The following PTPRD variants were observed in gnomAD, a reference collection of about 807,000 sequenced individuals.
PTPRD encodes the protein receptor-type tyrosine-protein phosphatase delta.
A neutral mutation model predicts 214.5 loss-of-function variants in PTPRD; 34 were observed. That is an observed-to-expected ratio of 0.16 (90% CI 0.12 to 0.21). The LOEUF (loss-of-function observed/expected upper bound fraction) is 0.21, where lower values mean the gene tolerates loss of function less well. Among genes scored for constraint, PTPRD ranks in the 10% least tolerant of loss-of-function variants. The probability of loss-of-function intolerance (pLI) is 1.00; values close to 1 mark genes in which losing one functional copy is unlikely to be tolerated. For missense variants in PTPRD, 2,545 were observed against 2,398.7 expected (o/e 1.06, Z -1.27); for synonymous variants, 1,128 against 845.7 (o/e 1.33, Z -5.79).
intron 10 of PTPRD, among the ~76,000 whole-genome samples, chr9:9,146,891 C>G (rs1476096800): frequency 6.6e-6 from 1 of 151,890 alleles, no homozygotes; most frequent in Non-Finnish European, 1.5e-5. Context: ...GCCTTTAGAA[C>G]AACAATAACT....
chr9:10,359,638 C>T (rs537844368), intron 2 of PTPRD, among the ~76,000 whole-genome samples: 5 of 152,094 alleles, frequency 3.3e-5, no homozygotes, highest in South Asian at 2.1e-4. Flanking sequence ...ACATAAATCT[C>T]GAAAATATCT....
chr9:9,735,605 C>G (rs769908902), intron 6 of PTPRD, among the ~76,000 whole-genome samples: 25 of 152,156 alleles, frequency 1.6e-4, no homozygotes, highest in South Asian at 6.2e-4. Flanking sequence ...AACAAATCAT[C>G]CCGAAGGAAG....
intron 4 of PTPRD, among the ~76,000 whole-genome samples, chr9:10,033,107 C>A (rs1402348107): frequency 1.3e-5 from 2 of 150,570 alleles, no homozygotes; most frequent in Non-Finnish European, 1.5e-5. Flanking sequence ...GAGTGTGTTT[C>A]TGTACATGTA....
intron 2 of PTPRD, among the ~76,000 whole-genome samples, chr9:10,363,119 T>C (rs530520223): frequency 6.6e-6 from 1 of 152,326 alleles, no homozygotes; most frequent in South Asian, 2.1e-4. Flanking sequence ...AATCTCTAGA[T>C]TTTCTGATTT....
chr9:9,436,275 G>C (rs1310453724), intron 8 of PTPRD, among the ~76,000 whole-genome samples: 1 of 151,982 alleles, frequency 6.6e-6, no homozygotes, highest in Non-Finnish European at 1.5e-5. Flanking sequence ...ATCCTTCAAT[G>C]GATTTTCACT....
chr9:8,464,711 T>A (rs200199014), intron 32 of PTPRD, among the ~76,000 whole-genome samples: 1 of 53,176 alleles, frequency 1.9e-5, no homozygotes, highest in Non-Finnish European at 3.2e-5. Flanking sequence ...ACAATATCTC[T>A]CCCCTTTTTT....
intron 2 of PTPRD, among the ~76,000 whole-genome samples, chr9:10,442,161 T>G (rs1043804279): frequency 6.6e-5 from 10 of 151,724 alleles, no homozygotes; most frequent in Admixed American, 6.6e-4. Context: ...ATACCTTAAA[T>G]GCAGAATTTG....
chr9:9,393,199 T>C (rs1399464995), intron 9 of PTPRD, among the ~76,000 whole-genome samples: 1 of 131,404 alleles, frequency 7.6e-6, no homozygotes, highest in Non-Finnish European at 1.7e-5. Context: ...CAACAACATC[T>C]GGTGTGATAG....
At chr9:10,017,979 C>G (rs2096758129) in intron 4 of PTPRD, among the ~76,000 whole-genome samples, 1 of 152,154 alleles carries the variant, frequency 6.6e-6, no homozygotes, top group Admixed American at 6.5e-5. Flanking sequence ...CATTCTAGGA[C>G]TTAGCTTCTA....
chr9:10,369,955 G>C (rs563882909), intron 2 of PTPRD, among the ~76,000 whole-genome samples: 1 of 152,154 alleles, frequency 6.6e-6, no homozygotes, highest in South Asian at 2.1e-4. Context: ...GCGAGGCATT[G>C]TCCTAATACT....
intron 3 of PTPRD, among the ~76,000 whole-genome samples, chr9:10,152,953 T>C (rs1005331390): frequency 9.2e-5 from 14 of 152,098 alleles, no homozygotes; most frequent in African/African-American, 2.4e-4. Context: ...CACATATCTG[T>C]GGAATATAAA....
chr9:10,121,280 A>G (rs1263968607), intron 3 of PTPRD, among the ~76,000 whole-genome samples: 1 of 152,002 alleles, frequency 6.6e-6, no homozygotes, highest in Non-Finnish European at 1.5e-5. Flanking sequence ...TAGCATGGAT[A>G]ATCCTAAATA....
chr9:9,927,889 A>C (rs1394376327), intron 5 of PTPRD, among the ~76,000 whole-genome samples: 2 of 152,168 alleles, frequency 1.3e-5, no homozygotes, highest in Non-Finnish European at 2.9e-5. Flanking sequence ...AAGAAAATGC[A>C]GTTGAGAGGT....
intron 2 of PTPRD, among the ~76,000 whole-genome samples, chr9:10,560,800 T>C (rs1316236401): frequency 6.6e-6 from 1 of 152,102 alleles, no homozygotes; most frequent in Non-Finnish European, 1.5e-5. Flanking sequence ...TCTGTCACAC[T>C]AACCATATTT....
chr9:9,914,706 A>T (rs2080198281), intron 5 of PTPRD, among the ~76,000 whole-genome samples: 1 of 149,896 alleles, frequency 6.7e-6, no homozygotes, highest in East Asian at 2.1e-4. Context: ...AGCTTGAAAA[A>T]CATCCCCATA....
chr9:9,405,272 C>A (rs771587556), intron 8 of PTPRD, among the ~76,000 whole-genome samples: 27 of 151,976 alleles, frequency 1.8e-4, no homozygotes, highest in Admixed American at 2.6e-4. Context: ...TTATTTGATC[C>A]TATTTTTGCA....
intron 5 of PTPRD, among the ~76,000 whole-genome samples, chr9:9,910,821 G>A (rs1055643478): frequency 6.6e-6 from 1 of 152,012 alleles, no homozygotes; most frequent in Admixed American, 6.6e-5. Context: ...CTAATGGACT[G>A]AATAATACTT....
At chr9:8,946,615 C>T (rs1021536657) in intron 11 of PTPRD, among the ~76,000 whole-genome samples, 4 of 152,110 alleles carry the variant, frequency 2.6e-5, no homozygotes, top group African/African-American at 9.7e-5. Flanking sequence ...TGGAGTACTG[C>T]TAATGGGGGA....
At chr9:10,449,207 T>A (rs2098820325) in intron 2 of PTPRD, among the ~76,000 whole-genome samples, 1 of 151,790 alleles carries the variant, frequency 6.6e-6, no homozygotes, top group African/African-American at 2.4e-5. Context: ...GCCTGACTGG[T>A]TTTTGTATTT....
Sources: allele counts gnomAD v4.1 joint callset (sites outside exome capture counted in the v4.1 genomes callset), GRCh38; gene constraint gnomAD v4.1.1; transcripts MANE v1.5; gene names NCBI Gene and HGNC (gene_info 2026-07-23, HGNC 2026-07-21).